The following USP3 variants were observed in gnomAD, a reference collection of about 807,000 sequenced individuals.
USP3 encodes ubiquitin carboxyl-terminal hydrolase 3.
A neutral mutation model predicts 72.3 loss-of-function variants in USP3; 20 were observed. The observed-to-expected ratio is 0.28, with a 90% CI of 0.19 to 0.40. The LOEUF (loss-of-function observed/expected upper bound fraction) is 0.40. Among genes scored for constraint, USP3 ranks in the 10% least tolerant of loss-of-function variants. The pLI, the probability that USP3 is intolerant of heterozygous loss-of-function variation, is 1.00. For missense variants in USP3, 479 were observed against 633.9 expected, an observed-to-expected ratio of 0.76 and a Z score of 2.62; for synonymous variants, 222 against 225.3, an observed-to-expected ratio of 0.99 and a Z score of 0.13.
chr15:63,524,086 G>A (rs2065949944), intron 1 of USP3, among the ~76,000 whole-genome samples: 1 of 152,232 alleles, frequency 6.6e-6, no homozygotes, highest in African/African-American at 2.4e-5. Context: ...TGTTAGGAAT[G>A]ATGTTTGTGC....
intron 1 of USP3, among the ~76,000 whole-genome samples, chr15:63,508,823 GC>G (rs1367199522): frequency 6.6e-6 from 1 of 152,158 alleles, no homozygotes; most frequent in African/African-American, 2.4e-5. Flanking sequence ...GGATAGGCAT[GC>G]TAATTTTTCC....
intron 3 of USP3, among the ~76,000 whole-genome samples, chr15:63,546,460 G>C (rs1296760966): frequency 6.6e-6 from 1 of 152,092 alleles, no homozygotes; most frequent in Non-Finnish European, 1.5e-5. Context: ...CTTCTTGAAG[G>C]GAAAATTAAG....
intron 9 of USP3, among the ~76,000 whole-genome samples, chr15:63,571,356 G>A (rs1026551636): frequency 6.6e-6 from 1 of 152,174 alleles, no homozygotes; most frequent in African/African-American, 2.4e-5. Flanking sequence ...CCATAAATCG[G>A]ATGTGGTAGG....
intron 11 of USP3, among the ~76,000 whole-genome samples, chr15:63,577,568 A>G (rs919091623): frequency 1.3e-5 from 2 of 152,184 alleles, no homozygotes; most frequent in South Asian, 4.1e-4. Context: ...CCTGGCCAAC[A>G]TGGTGAAACC....
At chr15:63,523,340 G>C (rs1595711479) in intron 1 of USP3, among the ~76,000 whole-genome samples, 1 of 152,234 alleles carries the variant, frequency 6.6e-6, no homozygotes, top group East Asian at 1.9e-4. Context: ...GAGGAGGCAG[G>C]CTCTGGAACG....
Position 63,529,135 on chromosome 15 carries a change from A to T in USP3, c.92-3512A>T, listed in dbSNP as rs1404674716. The T allele has an allele frequency of 6.2e-5, 66 of 1,070,460 alleles. No homozygotes were observed. Among genetic ancestry groups the T allele is most frequent in the Non-Finnish European group, 7.7e-5 (61 of 790,270 alleles). 66.3% of individuals were successfully genotyped at this position (1,070,460 alleles called of 1,614,324 possible). On this transcript the variant is annotated intron_variant, in intron 1 of 14. Transcript: ENST00000380324. This position sits in a 1 kb window ranked among gnomAD's most constrained non-coding sequence, Gnocchi z 4.2. ...TGCCTCAGCCTCCCAAGTAGCTGGG[A>T]CTACAGATGCAATCACCACCACACT...
intron 3 of USP3, among the ~76,000 whole-genome samples, chr15:63,550,197 T>A (rs974885713): frequency 6.6e-6 from 1 of 152,172 alleles, no homozygotes; most frequent in Non-Finnish European, 1.5e-5. Flanking sequence ...TTTTTGTATT[T>A]TTAGAAGAGA....
intron 7 of USP3, among the ~76,000 whole-genome samples, chr15:63,560,594 C>T (rs955197761): frequency 1.3e-5 from 2 of 150,642 alleles, no homozygotes; most frequent in African/African-American, 4.9e-5. Context: ...TTGATTTGTC[C>T]GACAGTGTTA....
chr15:63,580,653 A>ATATATCT (rs59380977), intron 11 of USP3, among the ~76,000 whole-genome samples: 1 of 10,824 alleles, frequency 9.2e-5, no homozygotes, highest in African/African-American at 7.2e-4. Context: ...TATATATATG[A>ATATATCT]ATATATAATA....
intron 3 of USP3, among the ~76,000 whole-genome samples, chr15:63,543,366 T>C (rs1324905807): frequency 6.6e-6 from 1 of 152,144 alleles, no homozygotes; most frequent in African/African-American, 2.4e-5. Context: ...GCTAGGGACC[T>C]AGTTTTTAGT....
At chr15:63,559,721 A>G (rs1006785973) in intron 6 of USP3, 136 bp from the exon 7 acceptor site, 7 of 607,446 alleles carry the variant, frequency 1.2e-5, no homozygotes, top group Non-Finnish European at 1.9e-5. Flanking sequence ...TCTGAATGCA[A>G]GAGATTGCAC....
chr15:63,588,771 G>C lies in USP3; in HGVS notation c.1285G>C (p.Glu429Gln). 6.2e-7 allele frequency: 1 copy of C among 1,614,204 alleles called. No homozygotes were observed. Among genetic ancestry groups the C allele is most frequent in the Non-Finnish European group, 8.5e-7 (1 of 1,180,024 alleles). The part of the protein sequence containing the change: ...YLRNKVDTYV[E>Q]FPLRGLDMKC... ...AAGAAATAAAGTTGATACATACGTA[G>C]AATTTCCACTGAGAGGCCTAGACAT... The change falls in exon 13 of 15, where the codon GAA becomes CAA. Residue 429 changes from glutamate to glutamine, a missense_variant. Physicochemically the swap from Glu to Gln is conservative, Grantham distance 29. Transcript: ENST00000380324. The surrounding 1 kb of genome is among the most constrained non-coding windows in gnomAD (Gnocchi z 4.6).
Position 63,529,469 on chromosome 15 carries a change from T to C in USP3, c.92-3178T>C, listed in dbSNP as rs908394787. 2.0e-5 allele frequency among the ~76,000 whole-genome samples: 3 copies of C among 152,196 alleles called. No individual in the cohort carries two copies. The highest frequency in any genetic ancestry group is 4.4e-5 in the Non-Finnish European group (3 of 68,032). ...AACTCTATACCAATTAAACAGTTACTTCCCATTCTCTTGACCCCCTCAGTC... is the reference window on the plus strand; with the variant it reads ...AACTCTATACCAATTAAACAGTTACCTCCCATTCTCTTGACCCCCTCAGTC... On this transcript the variant is annotated intron_variant, in intron 1 of 14. Transcript: ENST00000380324. This position sits in a 1 kb window ranked among gnomAD's most constrained non-coding sequence, Gnocchi z 4.2.
intron 1 of USP3, among the ~76,000 whole-genome samples, chr15:63,509,195 A>G (rs1349861081): frequency 1.3e-5 from 2 of 152,152 alleles, no homozygotes; most frequent in Non-Finnish European, 1.5e-5. Flanking sequence ...TCTAAATACA[A>G]TCAGTCATTT....
At position 63,588,733 on chromosome 15, in the gene USP3, GGACAGCATAT is replaced by G; in HGVS notation, c.1248_1257del (p.Trp416CysfsTer2). 1 of 1,613,944 alleles carries G rather than the reference GGACAGCATAT, an allele frequency of 6.2e-7. No individual in the cohort carries two copies. The highest frequency in any genetic ancestry group is 8.5e-7 in the Non-Finnish European group (1 of 1,179,890). On this transcript the variant is annotated frameshift_variant, in exon 13 of 15. Coordinates refer to ENST00000380324, the MANE Select transcript of USP3 (RefSeq NM_006537.4). LOFTEE classifies it high-confidence loss of function. The surrounding 1 kb of genome is among the most constrained non-coding windows in gnomAD (Gnocchi z 4.6). Reference sequence around the variant, plus strand: ...TGCTTACATTTGAAAAGATTTCATTGGACAGCATATTTAAGAAATAAAGTTGATACATACG... The same window carrying G: ...TGCTTACATTTGAAAAGATTTCATTGTTAAGAAATAAAGTTGATACATACG...
chr15:63,565,123 A>G (rs560806159), intron 8 of USP3, among the ~76,000 whole-genome samples: 2 of 152,292 alleles, frequency 1.3e-5, no homozygotes, highest in South Asian at 4.1e-4. Context: ...AGAGAACTTG[A>G]TCCTTTGGGA....
At position 63,517,775 on chromosome 15, in the gene USP3, T is replaced by G. The variant is rs2065871490; in HGVS notation, c.91+12945T>G. ...TGTGTTCAGTCCTGTCCTTACCTGCTGTCTGCTGTGTCCCTATACCTAGAG... is the reference window on the plus strand; with the variant it reads ...TGTGTTCAGTCCTGTCCTTACCTGCGGTCTGCTGTGTCCCTATACCTAGAG... On this transcript the variant is annotated intron_variant, in intron 1 of 14. Coordinates refer to ENST00000380324, the MANE Select transcript of USP3 (RefSeq NM_006537.4). Among the ~76,000 whole-genome samples, 5 of 152,228 alleles carry G rather than the reference T, an allele frequency of 3.3e-5. No individual in the cohort carries two copies. The South Asian group carries it at 1.0e-3, about 32-fold the overall frequency.
At chr15:63,505,968 A>C (rs370253097) in intron 1 of USP3, among the ~76,000 whole-genome samples, 2 of 152,336 alleles carry the variant, frequency 1.3e-5, no homozygotes, top group East Asian at 3.9e-4. Flanking sequence ...ACAGCTTACT[A>C]CTTAAATAGT....
At chr15:63,558,466 G>A (rs953471557) in intron 6 of USP3, among the ~76,000 whole-genome samples, 1 of 152,076 alleles carries the variant, frequency 6.6e-6, no homozygotes, top group African/African-American at 2.4e-5. Flanking sequence ...TTTTGAATAG[G>A]CTAGAACTGA....
Sources: gnomAD v4.1 joint callset for allele counts (sites outside exome capture counted in the v4.1 genomes callset) on GRCh38, gnomAD v4.1.1 for gene constraint, Gnocchi (gnomAD v3.1) non-coding constraint, MANE v1.5 for transcripts, NCBI Gene and HGNC (gene_info 2026-07-23, HGNC 2026-07-21) for gene names.